Variants in ST3GAL1 observed in about 807,000 individuals in gnomAD.
ST3GAL1 encodes ST3 beta-galactoside alpha-2,3-sialyltransferase 1, also known as CMP-N-acetylneuraminate-beta-galactosamide-alpha-2,3-sialyltransferase 1.
A neutral mutation model predicts 34.1 loss-of-function variants in ST3GAL1; 16 were observed. The observed-to-expected ratio is 0.47, with a 90% CI of 0.32 to 0.71. The LOEUF (loss-of-function observed/expected upper bound fraction) is 0.71, where lower values mean the gene tolerates loss of function less well. Among genes scored for constraint, ST3GAL1 ranks in the 30% least tolerant of loss-of-function variants. ST3GAL1 has a pLI of 0.04. For missense variants in ST3GAL1, 353 were observed against 447.4 expected (o/e 0.79, Z 1.90); for synonymous variants, 191 against 184.7 (o/e 1.03, Z -0.28).
chr8:133,477,426 G>A (rs982861949), intron 3 of ST3GAL1, among the ~76,000 whole-genome samples: 9 of 152,012 alleles, frequency 5.9e-5, no homozygotes, highest in Admixed American at 3.3e-4. Context: ...TTTTTGTCTT[G>A]GAAGAAACTG....
At chr8:133,464,287 A>G (rs1397461596) in intron 7 of ST3GAL1, among the ~76,000 whole-genome samples, 1 of 152,124 alleles carries the variant, frequency 6.6e-6, no homozygotes, top group Non-Finnish European at 1.5e-5. Flanking sequence ...TCAGGAAACT[A>G]AGCTCCTGAT....
chr8:133,557,904 C>CAAAA (rs543479046), intron 1 of ST3GAL1, among the ~76,000 whole-genome samples: 1 of 65,382 alleles, frequency 1.5e-5, no homozygotes, highest in African/African-American at 4.1e-5. Context: ...GACTCCGTCT[C>CAAAA]AAAAAAAAAA....
At position 133,571,377 on chromosome 8, in the gene ST3GAL1, G is replaced by A. The variant is rs1457948254; in HGVS notation, c.-582+316C>T. 6.6e-6 allele frequency among the ~76,000 whole-genome samples: 1 copy of A among 152,148 alleles called. No individual in the cohort carries two copies. The highest frequency in any genetic ancestry group is 1.5e-5 in the Non-Finnish European group (1 of 68,016). On this transcript the variant is annotated intron_variant, in intron 1 of 9. Coordinates refer to ENST00000522652, the MANE Select transcript of ST3GAL1 (RefSeq NM_173344.3). This position sits in a 1 kb window ranked among gnomAD's most constrained non-coding sequence, Gnocchi z 6.7. ...GGCGTAGGTTCCCCACAGAGCTCCA[G>A]GCAGCTCCTCCAGTGTCGGCCGAAG...
Position 133,477,964 on chromosome 8 carries a change from T to C in ST3GAL1, c.-373-1364A>G, listed in dbSNP as rs571077715. ...AATCCACAGTGCCCTTCTGAAGACATCCAGGGCCCAAGATGCATAGGGTGC... is the reference window on the plus strand; with the variant it reads ...AATCCACAGTGCCCTTCTGAAGACACCCAGGGCCCAAGATGCATAGGGTGC... On this transcript the variant is annotated intron_variant, in intron 3 of 9. Transcript: ENST00000522652. Among the ~76,000 whole-genome samples the C allele has an allele frequency of 2.6e-5, 4 of 152,238 alleles. No homozygotes were observed. The South Asian group carries it at 8.3e-4, about 32-fold the overall frequency.
intron 6 of ST3GAL1, among the ~76,000 whole-genome samples, chr8:133,465,162 A>G (rs140512873): frequency 6.6e-6 from 1 of 152,318 alleles, no homozygotes; most frequent in African/African-American, 2.4e-5. Flanking sequence ...CATGACCTCA[A>G]GGGAGTCTAG....
intron 1 of ST3GAL1, among the ~76,000 whole-genome samples, chr8:133,557,826 A>AT (rs1338769400): frequency 6.6e-6 from 1 of 150,564 alleles, no homozygotes; most frequent in Non-Finnish European, 1.5e-5. Context: ...AATTGCTTGA[A>AT]TCTGGGAGGC....
intron 3 of ST3GAL1, among the ~76,000 whole-genome samples, chr8:133,478,252 A>T (rs1274182342): frequency 6.6e-6 from 1 of 152,226 alleles, no homozygotes; most frequent in African/African-American, 2.4e-5. Flanking sequence ...AATTCACTTG[A>T]CTGGCAGAGG....
chr8:133,469,850 C>T lies in ST3GAL1; in HGVS notation c.307-3760G>A, dbSNP rs1815882548. Reference sequence around the variant, plus strand: ...TAGTGCCCTGCCTCACCTAACATCACAAGCCCCACGCTTCAGAAATCTCAG... The same window carrying T: ...TAGTGCCCTGCCTCACCTAACATCATAAGCCCCACGCTTCAGAAATCTCAG... On this transcript the variant is annotated intron_variant, in intron 5 of 9. Coordinates refer to ENST00000522652, the MANE Select transcript of ST3GAL1 (RefSeq NM_173344.3). This position sits in a 1 kb window ranked among gnomAD's most constrained non-coding sequence, Gnocchi z 4.3. 6.6e-6 allele frequency among the ~76,000 whole-genome samples: 1 copy of T among 152,206 alleles called. No homozygotes were observed. The highest frequency in any genetic ancestry group is 2.1e-4 in the South Asian group (1 of 4,832).
chr8:133,532,391 C>T (rs1408909287), intron 2 of ST3GAL1, among the ~76,000 whole-genome samples: 2 of 151,760 alleles, frequency 1.3e-5, no homozygotes, highest in African/African-American at 2.4e-5. Context: ...ATCTGGGAGG[C>T]GGAGGTTGCA....
At chr8:133,529,509 G>A (rs187260262) in intron 2 of ST3GAL1, among the ~76,000 whole-genome samples, 2 of 152,302 alleles carry the variant, frequency 1.3e-5, no homozygotes, top group East Asian at 1.9e-4. Context: ...AGGTGAGGAC[G>A]CCAGGCGAGA....
intron 2 of ST3GAL1, among the ~76,000 whole-genome samples, chr8:133,538,203 T>C (rs1329746028): frequency 6.6e-6 from 1 of 152,208 alleles, no homozygotes; most frequent in African/African-American, 2.4e-5. Context: ...ACCCAGCATG[T>C]CAAAGGCATT....
At position 133,461,760 on chromosome 8, in the gene ST3GAL1, G is replaced by A. The variant is rs907945713; in HGVS notation, c.849+115C>T. On this transcript the variant is annotated intron_variant, in intron 9 of 9. Coordinates refer to ENST00000522652, the MANE Select transcript of ST3GAL1 (RefSeq NM_173344.3). The surrounding 1 kb of genome is among the most constrained non-coding windows in gnomAD (Gnocchi z 4.7). ...GTCCTGTCGTAGAGACAGGGAATCC[G>A]AGCTTCCGGAAGAGGCAGGCTAGGT... 3.4e-5 allele frequency: 50 copies of A among 1,461,104 alleles called. No homozygotes were observed. The highest frequency in any genetic ancestry group is 4.3e-5 in the Non-Finnish European group (46 of 1,071,284). The allele number at this position is 1,461,104 out of a possible 1,614,324, so 90.5% of individuals were successfully genotyped here.
At chr8:133,478,758 C>T (rs945175802) in intron 3 of ST3GAL1, among the ~76,000 whole-genome samples, 4 of 152,160 alleles carry the variant, frequency 2.6e-5, no homozygotes, top group Admixed American at 2.6e-4. Flanking sequence ...CTCCTGGCTC[C>T]CTAGGGTCCT....
At chr8:133,515,513 A>G (rs1196235874) in intron 2 of ST3GAL1, 1 of 152,158 alleles carries the variant, frequency 6.6e-6, no homozygotes. Context: ...AGCCCCTACG[A>G]ATGAGGTTTT....
chr8:133,533,082 G>T (rs1018133179), intron 2 of ST3GAL1, among the ~76,000 whole-genome samples: 2 of 152,142 alleles, frequency 1.3e-5, no homozygotes, highest in Admixed American at 1.3e-4. Flanking sequence ...CTGAATTTCC[G>T]CTGGATGCTG....
chr8:133,542,102 C>A (rs1818552823), intron 2 of ST3GAL1, among the ~76,000 whole-genome samples: 1 of 141,330 alleles, frequency 7.1e-6, no homozygotes, highest in Non-Finnish European at 1.5e-5. Flanking sequence ...ACCACACACA[C>A]ACACACACAC....
At chr8:133,463,008 G>T (rs150130898) in intron 8 of ST3GAL1, among the ~76,000 whole-genome samples, 1,535 of 152,346 alleles carry the variant, frequency 0.01, 22 homozygotes, top group Middle Eastern at 0.061. Flanking sequence ...CCCATGCCAG[G>T]GGCCTGCTGG....
chr8:133,521,988 A>T (rs1240280755), intron 2 of ST3GAL1, among the ~76,000 whole-genome samples: 1 of 152,162 alleles, frequency 6.6e-6, no homozygotes, highest in Non-Finnish European at 1.5e-5. Context: ...GTCATGGGTT[A>T]CTTTTCTGAA....
chr8:133,459,920 G>A lies in ST3GAL1; in HGVS notation c.867C>T (p.Phe289=), dbSNP rs929067860. 21 of 1,612,760 alleles carry A rather than the reference G, an allele frequency of 1.3e-5. No individual in the cohort carries two copies. The highest frequency in any genetic ancestry group is 1.8e-5 in the Non-Finnish European group (21 of 1,179,398). Residue 289 remains phenylalanine (F), a synonymous_variant, in exon 10 of 10, where the codon TTC becomes TTT. Transcript: ENST00000522652. This position sits in a 1 kb window ranked among gnomAD's most constrained non-coding sequence, Gnocchi z 4.7. ...GCCAGTTCCCTTTGCTGTCTGCCCC[G>A]AAGCCGTACAAGTCCACCTGTGGGA... is the stretch of plus-strand genomic sequence containing the variant. The part of the protein sequence containing the change: ...HVCDEVDLYG[F]GADSKGNWHH...
Sources: allele counts gnomAD v4.1 joint callset (sites outside exome capture counted in the v4.1 genomes callset), GRCh38; gene constraint gnomAD v4.1.1; non-coding constraint Gnocchi (gnomAD v3.1); transcripts MANE v1.5; gene names NCBI Gene and HGNC (gene_info 2026-07-23, HGNC 2026-07-21).